ZNF136: variants seen among roughly 807,000 people sequenced by gnomAD.
ZNF136 encodes zinc finger protein 136 (clone pHZ-20).
ZNF136 carries 8 observed loss-of-function variants against 11.4 expected under a neutral mutation model. The observed-to-expected ratio is 0.70, with a 90% CI of 0.41 to 1.27. ZNF136 has a LOEUF of 1.27. ZNF136 is among the 50% of genes most tolerant of loss of function. The pLI is 0.01. For synonymous variants in ZNF136, 190 were observed against 207.1 expected (o/e 0.92, Z 0.71); for missense variants, 590 against 656.5 (o/e 0.90, Z 1.11).
chr19:12,164,729 T>C, intron 1 of ZNF136: 1 of 152,184 alleles, frequency 6.6e-6, no homozygotes, highest in East Asian at 1.9e-4. Flanking sequence ...GGCGTAACTG[T>C]ACCCGGCCTC....
intron 1 of ZNF136, among the ~76,000 whole-genome samples, chr19:12,176,594 TG>T (rs1193541872): frequency 1.3e-5 from 2 of 152,182 alleles, no homozygotes; most frequent in African/African-American, 4.8e-5. Context: ...CCCAAAGTGC[TG>T]GGATTACAGA....
intron 1 of ZNF136, among the ~76,000 whole-genome samples, chr19:12,166,886 G>A (rs980086116): frequency 1.3e-5 from 2 of 152,316 alleles, no homozygotes; most frequent in Admixed American, 6.5e-5. Flanking sequence ...CTGGGGTGCA[G>A]AGGCCTGAGG....
intron 1 of ZNF136, among the ~76,000 whole-genome samples, chr19:12,182,998 A>G (rs74476863): frequency 6.6e-6 from 1 of 152,202 alleles, no homozygotes; most frequent in Admixed American, 6.5e-5. Context: ...AAATATTTCC[A>G]AAGAGATGAG....
chr19:12,164,712 G>A (rs566960098), intron 1 of ZNF136: 1 of 152,318 alleles, frequency 6.6e-6, no homozygotes, highest in Non-Finnish European at 1.5e-5. Flanking sequence ...AGAGTGCTGG[G>A]ATTACAGGCG....
intron 1 of ZNF136, chr19:12,185,201 A>T (rs1181448862): frequency 1.3e-5 from 2 of 152,234 alleles, no homozygotes; most frequent in African/African-American, 4.8e-5. Flanking sequence ...GGTCATTGCC[A>T]TGGCATTTGT....
intron 1 of ZNF136, among the ~76,000 whole-genome samples, chr19:12,175,305 C>T (rs921572526): frequency 2.0e-5 from 3 of 152,070 alleles, no homozygotes; most frequent in African/African-American, 7.2e-5. Context: ...AACGATTCTC[C>T]TGCCTCAGCT....
At chr19:12,181,575 C>T (rs1330480315) in intron 1 of ZNF136, among the ~76,000 whole-genome samples, 6 of 151,530 alleles carry the variant, frequency 4.0e-5, no homozygotes, top group African/African-American at 9.7e-5. Flanking sequence ...TGGATTCAAG[C>T]GATTTTCCTG....
rs1239238736 is a variant in ZNF136 at position 12,186,146 on chromosome 19, C to G, written c.163C>G (p.His55Asp). The G allele has an allele frequency of 1.2e-6, 2 of 1,610,968 alleles. No homozygotes were observed. The highest frequency in any genetic ancestry group is 1.7e-6 in the Non-Finnish European group (2 of 1,179,288). Residue 55 changes from histidine to aspartate, a missense_variant, in exon 3 of 4, where the codon CAC becomes GAC. Physicochemically the swap from His to Asp is moderately conservative, Grantham distance 81. Transcript: ENST00000343979. ...ATGGAAGGACCAGAACATTAAAGATCACTACAAACACCGAGGGAGAAATCT... is the reference window on the plus strand; with the variant it reads ...ATGGAAGGACCAGAACATTAAAGATGACTACAAACACCGAGGGAGAAATCT... ...KKWKDQNIKD[H>D]YKHRGRNLRS...
In ZNF136 at chr19:12,186,015, G is replaced by T. The variant is rs144803622; in HGVS notation, c.131-99G>T. ...ATCATGGAGGGAGAGTACTTGGGGG[G>T]CTAAAACAGGCATAGTCACAGGGTA... On this transcript the variant is annotated intron_variant, in intron 2 of 3. Transcript: ENST00000343979. The T allele has an allele frequency of 7.5e-6, 12 of 1,593,208 alleles. No individual in the cohort carries two copies. The East Asian group carries it at 2.7e-4, about 36-fold the overall frequency.
At chr19:12,166,261 A>T (rs1438624666) in intron 1 of ZNF136, among the ~76,000 whole-genome samples, 5 of 152,182 alleles carry the variant, frequency 3.3e-5, no homozygotes, top group Admixed American at 3.3e-4. Context: ...AAACTGCTTA[A>T]CAACAAATTC....
Position 12,183,603 on chromosome 19 carries a change from CTATG to C in ZNF136, c.4-2180_4-2177del, listed in dbSNP as rs1915005049. Among the ~76,000 whole-genome samples the C allele has an allele frequency of 2.4e-5, 3 of 127,632 alleles. No homozygotes were observed. The South Asian group carries it at 7.7e-4, about 33-fold the overall frequency. 83.7% of individuals were successfully genotyped at this position (127,632 alleles called of 152,430 possible). A position where few individuals can be genotyped will look rare whatever the true frequency, so the allele number is the denominator to read the frequency against. On this transcript the variant is annotated intron_variant, in intron 1 of 3. Coordinates refer to ENST00000343979, the MANE Select transcript of ZNF136 (RefSeq NM_003437.5). ...TCTATCTATCTATCTATCTATCTAT[CTATG>C]TTTATCTTGAGACAGGGTCTTCCTC...
intron 1 of ZNF136, among the ~76,000 whole-genome samples, chr19:12,165,877 C>T (rs1004188263): frequency 1.3e-5 from 2 of 152,198 alleles, no homozygotes; most frequent in African/African-American, 2.4e-5. Context: ...GTATGTAGCA[C>T]GTCAGACTTA....
rs147636005 is a variant in ZNF136 at position 12,187,245 on chromosome 19, C to T, written c.867C>T (p.Phe289=). Residue 289 remains phenylalanine (F), a synonymous_variant, in exon 4 of 4, where the codon TTC becomes TTT. Transcript: ENST00000343979. The part of the protein sequence containing the change: ...PFKCKQCGKA[F]SCSPTLRIHE... ...AATGTAAGCAATGTGGTAAAGCCTTCAGTTGTTCCCCAACCTTACGAATAC... is the reference window on the plus strand; with the variant it reads ...AATGTAAGCAATGTGGTAAAGCCTTTAGTTGTTCCCCAACCTTACGAATAC... 2.3e-5 allele frequency: 37 copies of T among 1,613,836 alleles called. No individual in the cohort carries two copies. The African/African-American group carries it at 2.7e-4, about 12-fold the overall frequency.
Position 12,188,119 on chromosome 19 carries a change from C to G in ZNF136, c.*118C>G. The G allele has an allele frequency of 2.4e-6, 2 of 829,914 alleles. No individual in the cohort carries two copies. The highest frequency in any genetic ancestry group is 3.5e-6 in the Non-Finnish European group (2 of 579,214). The allele number at this position is 829,914 out of a possible 1,614,324, so 51.4% of individuals were successfully genotyped here. Reference sequence around the variant, plus strand: ...GCCTTTTTTAATACATGAAAGAATTCTAGAGAGAAGCCATATACATGTAAG... The same window carrying G: ...GCCTTTTTTAATACATGAAAGAATTGTAGAGAGAAGCCATATACATGTAAG... On this transcript the variant is annotated 3_prime_UTR_variant, in exon 4 of 4. Coordinates refer to ENST00000343979, the MANE Select transcript of ZNF136 (RefSeq NM_003437.5).
In ZNF136 at chr19:12,181,178, C is replaced by G. The variant is rs1429716393; in HGVS notation, c.4-4607C>G. On this transcript the variant is annotated intron_variant, in intron 1 of 3. Coordinates refer to ENST00000343979, the MANE Select transcript of ZNF136 (RefSeq NM_003437.5). ...GCCGGAGGGAGGACCCAGGAGACCC[C>G]GAAGATGGGAAATGGCGAGTGTGGG... 3.9e-5 allele frequency among the ~76,000 whole-genome samples: 6 copies of G among 152,310 alleles called. No homozygotes were observed. In the East Asian group the frequency reaches 1.2e-3, roughly 29 times the overall value.
chr19:12,186,390 C>T (rs548224611), intron 3 of ZNF136, among the ~76,000 whole-genome samples, 180 bp from the exon 4 acceptor site: 4 of 152,186 alleles, frequency 2.6e-5, no homozygotes, highest in South Asian at 2.1e-4. Flanking sequence ...AAGAATATCA[C>T]TGTTTGAGTG....
chr19:12,178,153 T>C (rs1033025521), intron 1 of ZNF136, among the ~76,000 whole-genome samples: 2 of 152,234 alleles, frequency 1.3e-5, no homozygotes, highest in African/African-American at 4.8e-5. Context: ...GTTTTCTTGC[T>C]ATTGAGCTGT....
In ZNF136 at chr19:12,187,740, GA is replaced by G; in HGVS notation, c.1365del (p.Ala456ProfsTer13). The G allele has an allele frequency of 6.2e-7, 1 of 1,613,424 alleles. No individual in the cohort carries two copies. Among genetic ancestry groups the G allele is most frequent in the Non-Finnish European group, 8.5e-7 (1 of 1,179,850 alleles). On this transcript the variant is annotated frameshift_variant, in exon 4 of 4. Transcript: ENST00000343979. LOFTEE classifies it low-confidence loss of function (END_TRUNC). ...AACCCTATGAGTGTAAGCAATGTGGGAAAGCCTTCAGTTATCTCAACTCCTT... is the reference window on the plus strand; with the variant it reads ...AACCCTATGAGTGTAAGCAATGTGGGAAGCCTTCAGTTATCTCAACTCCTT... ...EKPYECKQCG[K>X]AFSYLNSFRT...
Position 12,185,832 on chromosome 19 carries a change from G to A in ZNF136, c.51G>A (p.Glu17=). Residue 17 remains glutamate, a synonymous_variant, in exon 2 of 4, where the codon GAG becomes GAA. Coordinates refer to ENST00000343979, the MANE Select transcript of ZNF136 (RefSeq NM_003437.5). ...TAGATGTGAACTTCACCCAGGAGGA[G>A]TGGGCTTTGCTAGATCCTTCCCAGA... is the stretch of plus-strand genomic sequence containing the variant. ...EDVDVNFTQE[E]WALLDPSQKN... is the part of the protein sequence containing the mutation. 3 of 1,614,012 alleles carry A rather than the reference G, an allele frequency of 1.9e-6. No homozygotes were observed. In the South Asian group the frequency reaches 3.3e-5, roughly 18 times the overall value.
Sources: allele counts gnomAD v4.1 joint callset (sites outside exome capture counted in the v4.1 genomes callset), GRCh38; gene constraint gnomAD v4.1.1; transcripts MANE v1.5; gene names NCBI Gene and HGNC (gene_info 2026-07-23, HGNC 2026-07-21).